The following IMPDH1 variants were observed in gnomAD, a reference collection of about 807,000 sequenced individuals.
The protein encoded by IMPDH1 is inosine monophosphate dehydrogenase 1, also known as inosine-5'-monophosphate dehydrogenase 1.
A neutral mutation model predicts 73.5 loss-of-function variants in IMPDH1; 41 were observed. That is an observed-to-expected ratio of 0.56 (90% CI 0.43 to 0.72). The LOEUF (loss-of-function observed/expected upper bound fraction) is 0.72, where lower values mean the gene tolerates loss of function less well. Among genes scored for constraint, IMPDH1 ranks in the 30% least tolerant of loss-of-function variants. The probability of loss-of-function intolerance (pLI) is 0.00; values close to 1 mark genes in which losing one functional copy is unlikely to be tolerated. For synonymous variants in IMPDH1, 318 were observed against 334.3 expected (o/e 0.95, Z 0.53); for missense variants, 645 against 824.8 (o/e 0.78, Z 2.67).
intron 5 of IMPDH1, 59 bp from the exon 6 acceptor site, chr7:128,401,175 T>C (rs917990101): frequency 7.6e-7 from 1 of 1,310,022 alleles, no homozygotes. Flanking sequence ...ACTCACTCAC[T>C]GAGCTCCTAC....
chr7:128,405,034 C>A (rs922396659), intron 4 of IMPDH1, among the ~76,000 whole-genome samples: 1 of 152,224 alleles, frequency 6.6e-6, no homozygotes, highest in Non-Finnish European at 1.5e-5. Flanking sequence ...AGCATCCCCA[C>A]TCTGCCCCTT....
Position 128,394,727 on chromosome 7 carries a change from G to T in IMPDH1, c.1551-128C>A. 7.1e-7 allele frequency: 1 copy of T among 1,404,642 alleles called. No homozygotes were observed. Among genetic ancestry groups the T allele is most frequent in the Non-Finnish European group, 9.9e-7 (1 of 1,008,788 alleles). The allele number at this position is 1,404,642 out of a possible 1,614,324, so 87.0% of individuals were successfully genotyped here. On this transcript the variant is annotated intron_variant, in intron 14 of 16. Coordinates refer to ENST00000338791, the MANE Select transcript of IMPDH1 (RefSeq NM_000883.4). This position sits in a 1 kb window ranked among gnomAD's most constrained non-coding sequence, Gnocchi z 5.5. ...GGCCACCCCTCACTGGGCTGAGTCA[G>T]ATGGCCCAGGGACAGATCCTGGGTC...
rs780337883 is a variant in IMPDH1 at position 128,394,466 on chromosome 7, A to G, written c.1684T>C (p.Ser562Pro). The G allele has an allele frequency of 9.3e-6, 15 of 1,613,986 alleles. No individual in the cohort carries two copies. The highest frequency in any genetic ancestry group is 5.9e-6 in the Non-Finnish European group (7 of 1,180,022). ...GCQDIGARSL[S>P]VLRSMMYSGE... ...AGTCTCAGCACTCACCGAAGGACAG[A>G]CAGGCTGCGGGCCCCGATATCCTGG... The change falls in exon 15 of 17, where the codon TCT becomes CCT. Residue 562 changes from serine (S) to proline (P), a missense_variant. By Grantham distance (74) the Ser-to-Pro change is moderately conservative. Around this residue, in one of 2 missense-constraint regions of IMPDH1, gnomAD observed 459 missense variants for 638.2 expected, o/e 0.72. Transcript: ENST00000338791. This position sits in a 1 kb window ranked among gnomAD's most constrained non-coding sequence, Gnocchi z 5.5.
In IMPDH1 at chr7:128,394,834, G is replaced by T; in HGVS notation, c.1550+55C>A. 6.2e-7 allele frequency: 1 copy of T among 1,600,646 alleles called. No individual in the cohort carries two copies. Among genetic ancestry groups the T allele is most frequent in the Non-Finnish European group, 8.5e-7 (1 of 1,172,624 alleles). ...ATCTGGGGAAGTCGGTGGCATGAGCGGGCCCTGAAGGGTTGTGGGCTGATC... is the reference window on the plus strand; with the variant it reads ...ATCTGGGGAAGTCGGTGGCATGAGCTGGCCCTGAAGGGTTGTGGGCTGATC... On this transcript the variant is annotated intron_variant, in intron 14 of 16. Coordinates refer to ENST00000338791, the MANE Select transcript of IMPDH1 (RefSeq NM_000883.4). This position sits in a 1 kb window ranked among gnomAD's most constrained non-coding sequence, Gnocchi z 5.5.
At chr7:128,405,617 C>T in intron 4 of IMPDH1, 150 bp downstream of exon 4, 1 of 1,192,994 alleles carries the variant, frequency 8.4e-7, no homozygotes, top group Middle Eastern at 3.0e-4. Context: ...CCGGCGCGGG[C>T]CTCCTTCCTT....
chr7:128,403,855 T>C, intron 4 of IMPDH1, 101 bp from the exon 5 acceptor site: 2 of 1,029,768 alleles, frequency 1.9e-6, no homozygotes, highest in African/African-American at 1.6e-5. Flanking sequence ...CAGAAAAGCC[T>C]AGAGGAGCAG....
At chr7:128,409,413 C>G in intron 2 of IMPDH1, 28 bp downstream of exon 2, 1 of 1,614,200 alleles carries the variant, frequency 6.2e-7, no homozygotes, top group East Asian at 2.2e-5. Context: ...CCAGCAAGCA[C>G]TGTTTGAACC....
At chr7:128,405,366 G>A (rs1047396025) in intron 4 of IMPDH1, among the ~76,000 whole-genome samples, 1 of 152,228 alleles carries the variant, frequency 6.6e-6, no homozygotes, top group African/African-American at 2.4e-5. Flanking sequence ...GGGGCCATGC[G>A]GAAGCGGCTG....
chr7:128,401,206 G>C (rs1473584139), intron 5 of IMPDH1, 90 bp from the exon 6 acceptor site: 1 of 911,300 alleles, frequency 1.1e-6, no homozygotes, highest in Non-Finnish European at 1.8e-6. Context: ...ACCAGGACAG[G>C]CCCTGGGGAC....
intron 4 of IMPDH1, among the ~76,000 whole-genome samples, chr7:128,404,590 G>A (rs1211594746): frequency 3.3e-5 from 5 of 152,160 alleles, no homozygotes; most frequent in Non-Finnish European, 7.4e-5. Flanking sequence ...CAAAGCAGCA[G>A]GCATCCCTAG....
intron 9 of IMPDH1, 55 bp downstream of exon 9, chr7:128,400,040 G>C: frequency 7.5e-7 from 1 of 1,327,168 alleles, no homozygotes; most frequent in Non-Finnish European, 1.1e-6. Context: ...GGAACAACGG[G>C]ACTGTGGACA....
chr7:128,409,601 G>A, intron 1 of IMPDH1, 117 bp from the exon 2 acceptor site: 5 of 1,521,342 alleles, frequency 3.3e-6, no homozygotes, highest in Non-Finnish European at 4.6e-6. Flanking sequence ...AGCCGGGAGC[G>A]TGGCGTTTCG....
At chr7:128,402,101 G>GTT (rs1183576154) in intron 5 of IMPDH1, among the ~76,000 whole-genome samples, 1 of 145,472 alleles carries the variant, frequency 6.9e-6, no homozygotes, top group African/African-American at 2.5e-5. Flanking sequence ...GCCAGGCAGG[G>GTT]TTTTTTTTTT....
Position 128,400,183 on chromosome 7 carries a change from C to G in IMPDH1, c.787-1G>C. The G allele has an allele frequency of 6.2e-7, 1 of 1,614,132 alleles. No homozygotes were observed. The highest frequency in any genetic ancestry group is 8.5e-7 in the Non-Finnish European group (1 of 1,180,016). On this transcript the variant is annotated splice_acceptor_variant, in intron 8 of 16. Coordinates refer to ENST00000338791, the MANE Select transcript of IMPDH1 (RefSeq NM_000883.4). LOFTEE classifies it high-confidence loss of function. ...CCAGTTCAATCCTTGGCGTCATCAC[C>G]TGTGGGGCCAGGAACATTTGCCTGC...
chr7:128,396,512 C>A lies in IMPDH1; in HGVS notation c.1261+88G>T, dbSNP rs1797922796. On this transcript the variant is annotated intron_variant, in intron 12 of 16. Transcript: ENST00000338791. The surrounding 1 kb of genome is among the most constrained non-coding windows in gnomAD (Gnocchi z 4.0). ...CGGAGCCTACCATGGCAGAACAGGGCCTGGCAGAGAGAGTACTTGATATAC... is the reference window on the plus strand; with the variant it reads ...CGGAGCCTACCATGGCAGAACAGGGACTGGCAGAGAGAGTACTTGATATAC... 1.8e-5 allele frequency: 19 copies of A among 1,061,114 alleles called. No homozygotes were observed. Among genetic ancestry groups the A allele is most frequent in the Non-Finnish European group, 2.7e-5 (19 of 701,980 alleles). 65.7% of individuals were successfully genotyped at this position (1,061,114 alleles called of 1,614,324 possible). A position where few individuals can be genotyped will look rare whatever the true frequency, so the allele number is the denominator to read the frequency against.
At position 128,396,319 on chromosome 7, in the gene IMPDH1, G is replaced by A. The variant is rs2116615556; in HGVS notation, c.1261+281C>T. Among the ~76,000 whole-genome samples the A allele has an allele frequency of 6.6e-6, 1 of 152,276 alleles. No individual in the cohort carries two copies. The highest frequency in any genetic ancestry group is 2.1e-4 in the South Asian group (1 of 4,824). ...TCACAAATCAAATCCAAACCCTGAG[G>A]TTCCAACAAGCCCCATGGACAGTCA... On this transcript the variant is annotated intron_variant, in intron 12 of 16. Transcript: ENST00000338791. This position sits in a 1 kb window ranked among gnomAD's most constrained non-coding sequence, Gnocchi z 4.0.
At chr7:128,409,637 A>C (rs1419966608) in intron 1 of IMPDH1, 119 bp downstream of exon 1, 9 of 1,508,578 alleles carry the variant, frequency 6.0e-6, no homozygotes, top group East Asian at 2.3e-5. Flanking sequence ...AGGCGGTAAT[A>C]GGGGAAGGGT....
At position 128,396,789 on chromosome 7, in the gene IMPDH1, C is replaced by A. The variant is rs79018270; in HGVS notation, c.1166-94G>T. The stretch of plus-strand genomic sequence containing the variant: ...GGGACCCCAGTCTAGCACCCCCCAA[C>A]CCCCCTACAGTGACCAAAGCCCATC... On this transcript the variant is annotated intron_variant, in intron 11 of 16. Coordinates refer to ENST00000338791, the MANE Select transcript of IMPDH1 (RefSeq NM_000883.4). This position sits in a 1 kb window ranked among gnomAD's most constrained non-coding sequence, Gnocchi z 4.0. The A allele has an allele frequency of 1.6e-6, 2 of 1,241,434 alleles. No individual in the cohort carries two copies. Among genetic ancestry groups the A allele is most frequent in the Non-Finnish European group, 2.3e-6 (2 of 867,916 alleles). 76.9% of individuals were successfully genotyped at this position (1,241,434 alleles called of 1,614,324 possible). A position where few individuals can be genotyped will look rare whatever the true frequency, so the allele number is the denominator to read the frequency against.
At position 128,394,633 on chromosome 7, in the gene IMPDH1, T is replaced by C. The variant is rs748002961; in HGVS notation, c.1551-34A>G. ...AGGGTGGAAGACTGAGCCCAGCAGC[T>C]TGAAGCTCAGAGGACCCCACCCCAC... On this transcript the variant is annotated intron_variant, in intron 14 of 16. Coordinates refer to ENST00000338791, the MANE Select transcript of IMPDH1 (RefSeq NM_000883.4). This position sits in a 1 kb window ranked among gnomAD's most constrained non-coding sequence, Gnocchi z 5.5. 5.0e-6 allele frequency: 8 copies of C among 1,611,470 alleles called. No homozygotes were observed. The African/African-American group carries it at 6.7e-5, about 13-fold the overall frequency.
Sources: allele counts gnomAD v4.1 joint callset (sites outside exome capture counted in the v4.1 genomes callset), GRCh38; gene constraint gnomAD v4.1.1; regional missense constraint gnomAD v4.1.1; non-coding constraint Gnocchi (gnomAD v3.1); transcripts MANE v1.5; gene names NCBI Gene and HGNC (gene_info 2026-07-23, HGNC 2026-07-21).